The following WWOX variants were observed in gnomAD, a reference collection of about 807,000 sequenced individuals.
WWOX encodes WW domain-containing oxidoreductase.
WWOX carries 69 observed loss-of-function variants against 46.2 expected under a neutral mutation model. The observed-to-expected ratio is 1.49, with a 90% confidence interval of 1.23 to 1.82. WWOX has a LOEUF of 1.82. Ranked by LOEUF, WWOX falls within the 40% of genes most tolerant of loss-of-function variation. The probability of loss-of-function intolerance (pLI) is 0.00; values close to 1 mark genes in which losing one functional copy is unlikely to be tolerated. For synonymous variants in WWOX, 359 were observed against 202.6 expected (o/e 1.77, Z -6.56); for missense variants, 919 against 542.6 (o/e 1.69, Z -6.89).
At chr16:78,734,801 G>C (rs2049046258) in intron 8 of WWOX, among the ~76,000 whole-genome samples, 1 of 130,824 alleles carries the variant, frequency 7.6e-6, no homozygotes, top group African/African-American at 2.8e-5. Flanking sequence ...ACTTCAAAGA[G>C]AACTCCTTCT....
chr16:79,132,467 T>A (rs2049899960), intron 8 of WWOX, among the ~76,000 whole-genome samples: 1 of 152,150 alleles, frequency 6.6e-6, no homozygotes, highest in Non-Finnish European at 1.5e-5. Context: ...AAAATAATGG[T>A]ACTTATTTGG....
At chr16:78,915,196 C>T (rs967137214) in intron 8 of WWOX, among the ~76,000 whole-genome samples, 6 of 152,280 alleles carry the variant, frequency 3.9e-5, no homozygotes, top group Admixed American at 6.5e-5. Context: ...CCACCACTCA[C>T]CCCAAATCAG....
At chr16:78,197,674 A>G (rs1303676731) in intron 5 of WWOX, among the ~76,000 whole-genome samples, 1 of 152,222 alleles carries the variant, frequency 6.6e-6, no homozygotes, top group East Asian at 1.9e-4. Context: ...TCTTTATTGC[A>G]TGCCAAACGT....
chr16:78,920,201 C>T (rs1391001042), intron 8 of WWOX, among the ~76,000 whole-genome samples: 1 of 152,094 alleles, frequency 6.6e-6, no homozygotes, highest in Non-Finnish European at 1.5e-5. Flanking sequence ...CTCTAGGACT[C>T]CAGGGGAAAG....
intron 8 of WWOX, among the ~76,000 whole-genome samples, chr16:78,705,219 T>C (rs1036936367): frequency 2.6e-5 from 4 of 152,230 alleles, no homozygotes; most frequent in Non-Finnish European, 5.9e-5. Flanking sequence ...TAAAAATGTA[T>C]GTGGATTTTT....
At chr16:78,174,895 G>A (rs945379239) in intron 5 of WWOX, among the ~76,000 whole-genome samples, 10 of 152,084 alleles carry the variant, frequency 6.6e-5, no homozygotes, top group Non-Finnish European at 1.3e-4. Context: ...GGCTGAGGCA[G>A]GAGAATTGCT....
At chr16:79,136,348 C>T (rs1393331954) in intron 8 of WWOX, among the ~76,000 whole-genome samples, 2 of 151,846 alleles carry the variant, frequency 1.3e-5, no homozygotes, top group African/African-American at 4.8e-5. Flanking sequence ...CTCCTGCCTC[C>T]GCCTCCCAAG....
chr16:78,724,210 G>A (rs554294721), intron 8 of WWOX, among the ~76,000 whole-genome samples: 257 of 152,254 alleles, frequency 1.7e-3, no homozygotes, highest in South Asian at 9.1e-3. Flanking sequence ...AATCTTTAGT[G>A]AGTACCTGTC....
intron 5 of WWOX, among the ~76,000 whole-genome samples, chr16:78,332,490 A>C (rs1384883361): frequency 6.6e-6 from 1 of 152,172 alleles, no homozygotes; most frequent in Non-Finnish European, 1.5e-5. Context: ...TGTTAAAGAA[A>C]ACCCGAGATC....
chr16:78,588,466 G>C (rs1033763457), intron 8 of WWOX, among the ~76,000 whole-genome samples: 9 of 152,190 alleles, frequency 5.9e-5, no homozygotes, highest in African/African-American at 2.2e-4. Context: ...AATCTGCCCT[G>C]TTTGGGCTCT....
At chr16:78,907,851 G>C (rs1292193538) in intron 8 of WWOX, among the ~76,000 whole-genome samples, 2 of 152,080 alleles carry the variant, frequency 1.3e-5, no homozygotes, top group African/African-American at 2.4e-5. Context: ...GCAAAGACGA[G>C]GGAGCAGCAA....
chr16:79,145,938 T>C (rs529948838), intron 8 of WWOX, among the ~76,000 whole-genome samples: 1 of 152,296 alleles, frequency 6.6e-6, no homozygotes, highest in South Asian at 2.1e-4. Flanking sequence ...TTTTTGAAAG[T>C]CACCCATAAA....
chr16:78,548,917 C>G (rs917038676), intron 8 of WWOX, among the ~76,000 whole-genome samples: 2 of 152,188 alleles, frequency 1.3e-5, no homozygotes, highest in Non-Finnish European at 2.9e-5. Flanking sequence ...AAGAAGGTTT[C>G]TATCTTAACT....
chr16:78,326,777 A>G (rs917492853), intron 5 of WWOX, among the ~76,000 whole-genome samples: 1 of 151,196 alleles, frequency 6.6e-6, no homozygotes, highest in Non-Finnish European at 1.5e-5. Flanking sequence ...TGGGCAATAC[A>G]CTTAAAATGC....
At chr16:79,122,503 T>C (rs1169054370) in intron 8 of WWOX, among the ~76,000 whole-genome samples, 1 of 152,090 alleles carries the variant, frequency 6.6e-6, no homozygotes, top group Non-Finnish European at 1.5e-5. Flanking sequence ...TTTCTTTCTT[T>C]TTCCTTCCCT....
intron 5 of WWOX, chr16:78,241,287 T>TG (rs2037638227): frequency 1.5e-5 from 1 of 67,562 alleles, no homozygotes; most frequent in Admixed American, 1.4e-4. Flanking sequence ...ATCATTTGTG[T>TG]TTTTTTTTCC....
chr16:78,383,513 C>T (rs1237307676), intron 5 of WWOX, among the ~76,000 whole-genome samples: 2 of 152,144 alleles, frequency 1.3e-5, no homozygotes, highest in Non-Finnish European at 2.9e-5. Context: ...CTTGTCCTCG[C>T]CTAACAATCA....
At chr16:78,157,360 A>T (rs1265116666) in intron 4 of WWOX, among the ~76,000 whole-genome samples, 1 of 151,934 alleles carries the variant, frequency 6.6e-6, no homozygotes, top group East Asian at 1.9e-4. Context: ...TACTTCTCTC[A>T]TTTTCCCCAA....
At chr16:78,241,420 G>T (rs1303028234) in intron 5 of WWOX, among the ~76,000 whole-genome samples, 10 of 151,762 alleles carry the variant, frequency 6.6e-5, no homozygotes, top group Non-Finnish European at 1.5e-5. Context: ...GTTGCTATTT[G>T]TTTTTTTGGT....
Sources: gnomAD v4.1 joint callset for allele counts (sites outside exome capture counted in the v4.1 genomes callset) on GRCh38, gnomAD v4.1.1 for gene constraint, MANE v1.5 for transcripts, NCBI Gene and HGNC (gene_info 2026-07-23, HGNC 2026-07-21) for gene names.